Variants in NLGN1 observed in about 807,000 individuals in gnomAD.
NLGN1 encodes neuroligin 1.
A neutral mutation model predicts 65.5 loss-of-function variants in NLGN1; 12 were observed. The observed-to-expected ratio is 0.18, with a 90% CI of 0.12 to 0.30. NLGN1 has a LOEUF of 0.30. NLGN1 is among the 10% of genes least tolerant of loss of function. The pLI, the probability that NLGN1 is intolerant of heterozygous loss-of-function variation, is 1.00. For missense variants in NLGN1, 750 were observed against 1,007.1 expected (o/e 0.74, Z 3.46); for synonymous variants, 350 against 359.5 (o/e 0.97, Z 0.30).
upstream of NLGN1, among the ~76,000 whole-genome samples, chr3:173,397,128 C>T (rs1284549992): frequency 6.6e-6 from 1 of 151,942 alleles, no homozygotes; most frequent in Non-Finnish European, 1.5e-5. Flanking sequence ...TTCATGGAAG[C>T]TCCCAAACGC....
chr3:173,874,945 A>C (rs545306100), intron 4 of NLGN1, among the ~76,000 whole-genome samples: 2 of 152,302 alleles, frequency 1.3e-5, no homozygotes, highest in East Asian at 3.9e-4. Context: ...TGACTAGTGG[A>C]TTTTTGAAGT....
intron 4 of NLGN1, among the ~76,000 whole-genome samples, chr3:174,188,124 G>A (rs1053595574): frequency 1.3e-5 from 2 of 151,904 alleles, no homozygotes; most frequent in Non-Finnish European, 2.9e-5. Context: ...GCGCTTCAAA[G>A]GCAAACTTAA....
At chr3:173,840,513 G>A (rs1724577156) in intron 4 of NLGN1, among the ~76,000 whole-genome samples, 1 of 152,118 alleles carries the variant, frequency 6.6e-6, no homozygotes, top group Non-Finnish European at 1.5e-5. Context: ...TTCTTAGAGT[G>A]GGTTGACATC....
chr3:174,266,046 A>ATAT (rs1156942822), intron 4 of NLGN1, among the ~76,000 whole-genome samples: 6 of 145,466 alleles, frequency 4.1e-5, no homozygotes, highest in African/African-American at 1.3e-4. Flanking sequence ...ATATATATAT[A>ATAT]TTTTTTTTTT....
intron 4 of NLGN1, among the ~76,000 whole-genome samples, chr3:173,854,819 T>G (rs1342919553): frequency 6.6e-6 from 1 of 152,078 alleles, no homozygotes; most frequent in Non-Finnish European, 1.5e-5. Context: ...TGCAAGGTGA[T>G]GTTTAGCAGG....
rs766276913 is a variant in NLGN1, at chr3:174,279,153, G to A, written c.1152G>A (p.Met384Ile). ...GAGAGTTTCTCAACTATGATATAAT[G>A]TTAGGAGTGAACCAAGGGGAAGGGT... Residue 384 changes from methionine to isoleucine, a missense_variant, in exon 6 of 7, where the codon ATG becomes ATA. Physicochemically the swap from Met to Ile is conservative, Grantham distance 10. Transcript: ENST00000457714. This position sits in a 1 kb window ranked among gnomAD's most constrained non-coding sequence, Gnocchi z 4.7. 2.5e-6 allele frequency: 4 copies of A among 1,613,256 alleles called. No individual in the cohort carries two copies. The highest frequency in any genetic ancestry group is 3.3e-5 in the Admixed American group (2 of 59,908).
intron 2 of NLGN1, among the ~76,000 whole-genome samples, chr3:173,451,332 C>T (rs1189803810): frequency 6.6e-6 from 1 of 152,188 alleles, no homozygotes; most frequent in Non-Finnish European, 1.5e-5. Context: ...GCACTCCAGA[C>T]CCTGTTTGCC....
chr3:173,473,631 C>T (rs1203231879), intron 2 of NLGN1, among the ~76,000 whole-genome samples: 1 of 152,146 alleles, frequency 6.6e-6, no homozygotes, highest in African/African-American at 2.4e-5. Flanking sequence ...TCTTTTTTCA[C>T]CTTCATTCTC....
At chr3:174,023,363 T>A (rs965101660) in intron 4 of NLGN1, among the ~76,000 whole-genome samples, 23 of 152,182 alleles carry the variant, frequency 1.5e-4, no homozygotes, top group Non-Finnish European at 1.6e-4. Flanking sequence ...GGAGGCAGGA[T>A]TCTTCCTAGG....
intron 1 of NLGN1, among the ~76,000 whole-genome samples, chr3:173,425,652 A>G (rs933975580): frequency 6.6e-6 from 1 of 152,108 alleles, no homozygotes; most frequent in African/African-American, 2.4e-5. Context: ...CTGTAAATGC[A>G]TAGACTTATT....
chr3:173,962,932 A>G (rs1713947289), intron 4 of NLGN1, among the ~76,000 whole-genome samples: 1 of 152,190 alleles, frequency 6.6e-6, no homozygotes, highest in South Asian at 2.1e-4. Context: ...CTAATTTAGT[A>G]AATCAGATCA....
chr3:173,813,227 T>C (rs1718344043), intron 4 of NLGN1, among the ~76,000 whole-genome samples: 1 of 152,316 alleles, frequency 6.6e-6, no homozygotes, highest in Admixed American at 6.5e-5. Flanking sequence ...TGTTTTGTCA[T>C]TGTTACTCCT....
intron 4 of NLGN1, among the ~76,000 whole-genome samples, chr3:174,105,138 A>G (rs1390766161): frequency 1.3e-5 from 2 of 152,070 alleles, no homozygotes; most frequent in African/African-American, 2.4e-5. Flanking sequence ...AAGAAAGGGG[A>G]GACAAAGAAG....
intron 4 of NLGN1, among the ~76,000 whole-genome samples, chr3:174,168,418 T>TTTTC (rs1343926847): frequency 6.6e-6 from 1 of 152,132 alleles, no homozygotes; most frequent in African/African-American, 2.4e-5. Context: ...TAATTATTAT[T>TTTTC]TTTCTTTCTC....
At chr3:173,710,368 T>C (rs958999151) in intron 3 of NLGN1, among the ~76,000 whole-genome samples, 9 of 152,210 alleles carry the variant, frequency 5.9e-5, no homozygotes, top group Admixed American at 5.9e-4. Context: ...AAAAAATCTT[T>C]ACATAGATTT....
chr3:174,105,312 T>TGG (rs1223512737), intron 4 of NLGN1, among the ~76,000 whole-genome samples: 2 of 152,018 alleles, frequency 1.3e-5, no homozygotes, highest in African/African-American at 4.8e-5. Flanking sequence ...CCAAGGCAGG[T>TGG]GGATCACTTC....
intron 4 of NLGN1, among the ~76,000 whole-genome samples, chr3:174,005,806 A>G (rs1391749421): frequency 6.6e-6 from 1 of 152,022 alleles, no homozygotes; most frequent in Non-Finnish European, 1.5e-5. Flanking sequence ...TTTACTAGCT[A>G]TGTAACAGTA....
intron 4 of NLGN1, among the ~76,000 whole-genome samples, chr3:174,126,168 A>G (rs985670622): frequency 2.0e-5 from 3 of 151,910 alleles, no homozygotes; most frequent in African/African-American, 7.3e-5. Flanking sequence ...CTTGAACTGG[A>G]TTTGCTGTAT....
intron 4 of NLGN1, among the ~76,000 whole-genome samples, chr3:173,892,172 T>TA (rs1735464541): frequency 6.6e-6 from 1 of 151,214 alleles, no homozygotes; most frequent in African/African-American, 2.4e-5. Flanking sequence ...CACGTATATT[T>TA]AAGGTTTTTT....
Sources: gnomAD v4.1 joint callset for allele counts (sites outside exome capture counted in the v4.1 genomes callset) on GRCh38, gnomAD v4.1.1 for gene constraint, Gnocchi (gnomAD v3.1) non-coding constraint, MANE v1.5 for transcripts, NCBI Gene and HGNC (gene_info 2026-07-23, HGNC 2026-07-21) for gene names.